The following PDX1 variants were observed in gnomAD, a reference collection of about 807,000 sequenced individuals.
The protein encoded by PDX1 is pancreatic and duodenal homeobox 1.
A neutral mutation model predicts 11.1 loss-of-function variants in PDX1; 7 were observed. That is an observed-to-expected ratio of 0.63 (90% CI 0.36 to 1.19). The LOEUF is 1.19. PDX1 is among the 50% of genes most tolerant of loss of function. The pLI, the probability that PDX1 is intolerant of heterozygous loss-of-function variation, is 0.02. For synonymous variants in PDX1, 232 were observed against 196.2 expected, an observed-to-expected ratio of 1.18 and a Z score of -1.53; for missense variants, 449 against 412.1, an observed-to-expected ratio of 1.09 and a Z score of -0.78.
At chr13:27,920,577 CG>C in intron 1 of PDX1, 33 bp downstream of exon 1, 3 of 1,609,802 alleles carry the variant, frequency 1.9e-6, no homozygotes, top group Non-Finnish European at 2.5e-6. Context: ...TTCTCCTTTC[CG>C]GTTCTCACCC....
At chr13:27,922,662 A>AC (rs1277594375) in intron 1 of PDX1, among the ~76,000 whole-genome samples, 39 of 150,886 alleles carry the variant, frequency 2.6e-4, no homozygotes, top group Non-Finnish European at 7.4e-5. Flanking sequence ...CTCAACCTCC[A>AC]CCCCTGCCGC....
At chr13:27,920,743 C>T (rs1593168772) in intron 1 of PDX1, among the ~76,000 whole-genome samples, 199 bp downstream of exon 1, 1 of 152,358 alleles carries the variant, frequency 6.6e-6, no homozygotes, top group Non-Finnish European at 1.5e-5. Flanking sequence ...TCCCACCCAG[C>T]TCTCCTGGGA....
chr13:27,920,744 T>C, intron 1 of PDX1, among the ~76,000 whole-genome samples, 200 bp downstream of exon 1: 1 of 151,918 alleles, frequency 6.6e-6, no homozygotes, highest in Non-Finnish European at 1.5e-5. Flanking sequence ...CCCACCCAGC[T>C]CTCCTGGGAG....
In PDX1 at chr13:27,924,575, G is replaced by GC. The variant is rs1555241874; in HGVS notation, c.732dup (p.Gly245ArgfsTer22). 5.3e-6 allele frequency: 8 copies of GC among 1,504,154 alleles called. No homozygotes were observed. The African/African-American group carries it at 5.7e-5, about 11-fold the overall frequency. The allele number at this position is 1,504,154 out of a possible 1,614,324, so 93.2% of individuals were successfully genotyped here. A position where few individuals can be genotyped will look rare whatever the true frequency, so the allele number is the denominator to read the frequency against. On this transcript the variant is annotated frameshift_variant, in exon 2 of 2. Coordinates refer to ENST00000381033, the MANE Select transcript of PDX1 (RefSeq NM_000209.4). LOFTEE classifies it low-confidence loss of function (END_TRUNC). This position sits in a 1 kb window ranked among gnomAD's most constrained non-coding sequence, Gnocchi z 4.8. ...AGCTTCTGGCGCTGCCGCCGCCGCC[G>GC]CCCCCCGGAGGTGCTGTGCCGCCCG...
chr13:27,920,416 C>T lies in PDX1; in HGVS notation c.278C>T (p.Pro93Leu). The T allele has an allele frequency of 6.4e-7, 1 of 1,563,662 alleles. No individual in the cohort carries two copies. Among genetic ancestry groups the T allele is most frequent in the African/African-American group, 1.4e-5 (1 of 73,948 alleles). ...HHHLPAQLAL[P>L]HPPAGPFPEG... ...CACCTCCCGGCTCAGCTCGCGCTCC[C>T]CCACCCGCCCGCCGGGCCCTTCCCG... Residue 93 changes from proline to leucine, a missense_variant, in exon 1 of 2, where the codon CCC becomes CTC. By Grantham distance (98) the Pro-to-Leu change is moderately conservative. This residue lies in a region of PDX1 where 263 missense variants were observed against 212.5 expected (regional missense o/e 1.24). Coordinates refer to ENST00000381033, the MANE Select transcript of PDX1 (RefSeq NM_000209.4).
At chr13:27,922,197 C>T (rs1166601229) in intron 1 of PDX1, among the ~76,000 whole-genome samples, 2 of 152,202 alleles carry the variant, frequency 1.3e-5, no homozygotes, top group Non-Finnish European at 2.9e-5. Context: ...TAGGCTGACC[C>T]AAGAAGCCAG....
intron 1 of PDX1, among the ~76,000 whole-genome samples, chr13:27,923,287 C>G (rs1566025160): frequency 6.6e-6 from 1 of 152,278 alleles, no homozygotes; most frequent in Non-Finnish European, 1.5e-5. Flanking sequence ...CTTGGAGACA[C>G]GAGAGGCTTG....
chr13:27,921,706 G>A (rs1204700177), intron 1 of PDX1, among the ~76,000 whole-genome samples: 1 of 152,178 alleles, frequency 6.6e-6, no homozygotes, highest in Non-Finnish European at 1.5e-5. Flanking sequence ...GGGAGAGGGA[G>A]GGGGACCCCA....
At chr13:27,921,898 C>A (rs1221273820) in intron 1 of PDX1, among the ~76,000 whole-genome samples, 1 of 152,200 alleles carries the variant, frequency 6.6e-6, no homozygotes, top group African/African-American at 2.4e-5. Flanking sequence ...TCGCGCAGCC[C>A]GGGCCAAAGG....
chr13:27,920,114 CG>C lies in PDX1; in HGVS notation c.-23del. ...CTCCCGGCTCCCGGCTCCCGGCTCC[CG>C]GTGCCCAATCCCGGGCCGCAGCCAT... On this transcript the variant is annotated 5_prime_UTR_variant, in exon 1 of 2. Transcript: ENST00000381033. 1 of 1,549,122 alleles carries C rather than the reference CG, an allele frequency of 6.5e-7. No homozygotes were observed. Among genetic ancestry groups the C allele is most frequent in the East Asian group, 2.4e-5 (1 of 40,900 alleles).
At position 27,924,278 on chromosome 13, in the gene PDX1, G is replaced by C. The variant is rs148001995; in HGVS notation, c.429G>C (p.Pro143=). The C allele has an allele frequency of 3.5e-5, 57 of 1,607,054 alleles. No individual in the cohort carries two copies. In the African/African-American group the frequency reaches 7.2e-4, roughly 20 times the overall value. ...QWAGGAYAAE[P]EENKRTRTAY... ...CAGGCGGCGCCTACGCTGCGGAGCC[G>C]GAGGAGAACAAGCGGACGCGCACGG... The change falls in exon 2 of 2, where the codon CCG becomes CCC. Residue 143 remains proline, a synonymous_variant. Transcript: ENST00000381033. This position sits in a 1 kb window ranked among gnomAD's most constrained non-coding sequence, Gnocchi z 4.8.
In PDX1 at chr13:27,924,223, G is replaced by T; in HGVS notation, c.407-33G>T. The T allele has an allele frequency of 6.5e-7, 1 of 1,528,614 alleles. No homozygotes were observed. The highest frequency in any genetic ancestry group is 1.2e-5 in the South Asian group (1 of 80,854). The allele number at this position is 1,528,614 out of a possible 1,614,324, so 94.7% of individuals were successfully genotyped here. ...GTGGGTGGGGGCTGTGCGGGGCTCCGGGGGCCACACTCACGCCCTGTGTCG... is the reference window on the plus strand; with the variant it reads ...GTGGGTGGGGGCTGTGCGGGGCTCCTGGGGCCACACTCACGCCCTGTGTCG... On this transcript the variant is annotated intron_variant, in intron 1 of 1. Transcript: ENST00000381033. The surrounding 1 kb of genome is among the most constrained non-coding windows in gnomAD (Gnocchi z 4.8).
chr13:27,923,864 C>T (rs1025718158), intron 1 of PDX1, among the ~76,000 whole-genome samples: 2 of 152,140 alleles, frequency 1.3e-5, no homozygotes, highest in Non-Finnish European at 2.9e-5. Flanking sequence ...TTTTTTAGCC[C>T]TGGATTAAAG....
intron 1 of PDX1, 34 bp downstream of exon 1, chr13:27,920,578 G>C: frequency 6.2e-7 from 1 of 1,609,942 alleles, no homozygotes; most frequent in East Asian, 2.2e-5. Context: ...TCTCCTTTCC[G>C]GTTCTCACCC....
intron 1 of PDX1, among the ~76,000 whole-genome samples, chr13:27,920,990 C>T (rs2032250168): frequency 6.6e-6 from 1 of 152,164 alleles, no homozygotes; most frequent in African/African-American, 2.4e-5. Flanking sequence ...AGCCCCGGAG[C>T]CCCTCACTTC....
Position 27,924,924 on chromosome 13 carries a change from A to G in PDX1, c.*223A>G. The G allele has an allele frequency of 2.3e-6, 1 of 438,984 alleles. No individual in the cohort carries two copies. The highest frequency in any genetic ancestry group is 3.9e-6 in the Non-Finnish European group (1 of 254,510). The allele number at this position is 438,984 out of a possible 1,614,324, so 27.2% of individuals were successfully genotyped here. ...CAGGCCTTCCGGAAGAAAAAGAGCC[A>G]TTGGTTTTTGTAGTATTGGGGCCCT... On this transcript the variant is annotated 3_prime_UTR_variant, in exon 2 of 2. Coordinates refer to ENST00000381033, the MANE Select transcript of PDX1 (RefSeq NM_000209.4). The surrounding 1 kb of genome is among the most constrained non-coding windows in gnomAD (Gnocchi z 4.8).
chr13:27,924,608 C>G lies in PDX1; in HGVS notation c.759C>G (p.Pro253=), dbSNP rs781657590. 1.4e-6 allele frequency: 2 copies of G among 1,466,672 alleles called. No homozygotes were observed. Among genetic ancestry groups the G allele is most frequent in the South Asian group, 1.3e-5 (1 of 74,098 alleles). The allele number at this position is 1,466,672 out of a possible 1,614,324, so 90.9% of individuals were successfully genotyped here. A position where few individuals can be genotyped will look rare whatever the true frequency, so the allele number is the denominator to read the frequency against. ...PPGGAVPPAA[P]VAAREGRLPP... is the part of the protein sequence containing the mutation. ...GAGGTGCTGTGCCGCCCGCTGCCCCCGTTGCCGCCCGAGAGGGCCGCCTGC... is the reference window on the plus strand; with the variant it reads ...GAGGTGCTGTGCCGCCCGCTGCCCCGGTTGCCGCCCGAGAGGGCCGCCTGC... The change falls in exon 2 of 2, where the codon CCC becomes CCG. Residue 253 remains proline (P), a synonymous_variant. Coordinates refer to ENST00000381033, the MANE Select transcript of PDX1 (RefSeq NM_000209.4). The surrounding 1 kb of genome is among the most constrained non-coding windows in gnomAD (Gnocchi z 4.8).
rs1429365452 is a variant in PDX1 at position 27,925,009 on chromosome 13, CA to C, written c.*309del. ...TGTTGCGCACATCCCTGCCCTCCTACAGCACTCCACCTTGGGACCTGTTTAG... is the reference window on the plus strand; with the variant it reads ...TGTTGCGCACATCCCTGCCCTCCTACGCACTCCACCTTGGGACCTGTTTAG... On this transcript the variant is annotated 3_prime_UTR_variant, in exon 2 of 2. Coordinates refer to ENST00000381033, the MANE Select transcript of PDX1 (RefSeq NM_000209.4). 1 of 339,850 alleles carries C rather than the reference CA, an allele frequency of 2.9e-6. No homozygotes were observed. The highest frequency in any genetic ancestry group is 5.2e-6 in the Non-Finnish European group (1 of 191,148). 21.1% of individuals were successfully genotyped at this position (339,850 alleles called of 1,614,324 possible).
Position 27,924,242 on chromosome 13 carries a change from T to G in PDX1, c.407-14T>G, listed in dbSNP as rs994909337. ...GGCTCCGGGGGCCACACTCACGCCC[T>G]GTGTCGCCCGCAGGCGGCGCCTACG... On this transcript the variant is annotated splice_polypyrimidine_tract_variant and intron_variant, in intron 1 of 1. Coordinates refer to ENST00000381033, the MANE Select transcript of PDX1 (RefSeq NM_000209.4). This position sits in a 1 kb window ranked among gnomAD's most constrained non-coding sequence, Gnocchi z 4.8. The G allele has an allele frequency of 5.7e-6, 9 of 1,578,134 alleles. No individual in the cohort carries two copies. The African/African-American group carries it at 1.2e-4, about 21-fold the overall frequency.
Sources: gnomAD v4.1 joint callset for allele counts (sites outside exome capture counted in the v4.1 genomes callset) on GRCh38, gnomAD v4.1.1 for gene constraint, gnomAD v4.1.1 regional missense constraint, Gnocchi (gnomAD v3.1) non-coding constraint, MANE v1.5 for transcripts, NCBI Gene and HGNC (gene_info 2026-07-23, HGNC 2026-07-21) for gene names.